TMEM132B: variants seen among roughly 807,000 people sequenced by gnomAD.
TMEM132B encodes the protein transmembrane protein 132B.
TMEM132B carries 18 observed loss-of-function variants against 90.8 expected under a neutral mutation model. That is an observed-to-expected ratio of 0.20 (90% CI 0.14 to 0.29). TMEM132B has a LOEUF of 0.29. Ranked by LOEUF, TMEM132B falls within the 10% of genes least tolerant of loss-of-function variation. The pLI is 1.00. For missense variants in TMEM132B, 1,096 were observed against 1,326.8 expected (o/e 0.83, Z 2.70); for synonymous variants, 504 against 523.3 (o/e 0.96, Z 0.50).
At chr12:125,601,017 G>A (rs1412830011) in intron 5 of TMEM132B, among the ~76,000 whole-genome samples, 1 of 152,100 alleles carries the variant, frequency 6.6e-6, no homozygotes, top group Admixed American at 6.5e-5. Flanking sequence ...CAATAATAGT[G>A]GGAGACTTTA....
intron 1 of TMEM132B, among the ~76,000 whole-genome samples, chr12:125,345,433 C>T (rs992076870): frequency 6.6e-6 from 1 of 152,172 alleles, no homozygotes; most frequent in Non-Finnish European, 1.5e-5. Context: ...AGGTCCATGT[C>T]CAGGAATGTT....
At chr12:125,222,829 A>T (rs1873590799) in intron 1 of TMEM132B, among the ~76,000 whole-genome samples, 1 of 152,190 alleles carries the variant, frequency 6.6e-6, no homozygotes, top group African/African-American at 2.4e-5. Context: ...GACATTGACA[A>T]ATGTCCCTGG....
chr12:125,468,003 T>G (rs1881613532), intron 3 of TMEM132B, among the ~76,000 whole-genome samples: 1 of 152,210 alleles, frequency 6.6e-6, no homozygotes, highest in South Asian at 2.1e-4. Flanking sequence ...GTTTATCCAT[T>G]CTTTTGTTGA....
intron 3 of TMEM132B, among the ~76,000 whole-genome samples, chr12:125,473,487 T>C (rs1206913505): frequency 6.6e-6 from 1 of 152,266 alleles, no homozygotes; most frequent in African/African-American, 2.4e-5. Flanking sequence ...GCTATCAAAG[T>C]GTGTGGCTTA....
chr12:125,508,334 C>A (rs945346743), intron 3 of TMEM132B, among the ~76,000 whole-genome samples: 20 of 152,208 alleles, frequency 1.3e-4, no homozygotes, highest in African/African-American at 3.4e-4. Context: ...ACGAACAAAG[C>A]CCTGGTCATC....
At position 125,406,796 on chromosome 12, in the gene TMEM132B, T is replaced by C. The variant is rs1325469706; in HGVS notation, c.960-8735T>C. 6.6e-6 allele frequency among the ~76,000 whole-genome samples: 1 copy of C among 152,130 alleles called. No individual in the cohort carries two copies. The highest frequency in any genetic ancestry group is 1.5e-5 in the Non-Finnish European group (1 of 68,022). The stretch of plus-strand genomic sequence containing the variant: ...AGGGTCCCCAAGACCACCCTCAGGT[T>C]CAGTAATTTTCTAGAAGGACTCAAA... On this transcript the variant is annotated intron_variant, in intron 2 of 8. Coordinates refer to ENST00000682704, the MANE Select transcript of TMEM132B (RefSeq NM_001366854.1). This position sits in a 1 kb window ranked among gnomAD's most constrained non-coding sequence, Gnocchi z 8.3.
intron 1 of TMEM132B, among the ~76,000 whole-genome samples, chr12:125,319,145 T>C (rs915148475): frequency 9.2e-5 from 14 of 152,314 alleles, no homozygotes; most frequent in African/African-American, 2.6e-4. Flanking sequence ...GTTTCCTCAA[T>C]TGTAAAATGG....
rs1886705416 is a variant in TMEM132B at position 125,644,275 on chromosome 12, A to G, written c.1637A>G (p.Asn546Ser). Reference protein sequence around the residue: ...IKGWRIPVAANRRPTRESDDE... With the variant: ...IKGWRIPVAASRRPTRESDDE... ...GGCTGGAGGATCCCGGTTGCTGCCA[A>G]CAGAAGGTGAGGAATCAAAGAGAAG... is the stretch of plus-strand genomic sequence containing the variant. The change falls in exon 6 of 9, where the codon AAC (asparagine) becomes AGC (serine). Residue 546 changes from asparagine (N) to serine (S), a missense_variant. Coordinates refer to ENST00000682704, the MANE Select transcript of TMEM132B (RefSeq NM_001366854.1). 1 of 1,613,994 alleles carries G rather than the reference A, an allele frequency of 6.2e-7. No individual in the cohort carries two copies. Among genetic ancestry groups the G allele is most frequent in the African/African-American group, 1.3e-5 (1 of 74,926 alleles).
At chr12:125,416,954 G>T (rs1191787981) in intron 3 of TMEM132B, among the ~76,000 whole-genome samples, 2 of 152,168 alleles carry the variant, frequency 1.3e-5, no homozygotes, top group Non-Finnish European at 2.9e-5. Context: ...GCTTTCAGTT[G>T]CAAGTAATAG....
chr12:125,312,185 T>G (rs1045312027), intron 1 of TMEM132B, among the ~76,000 whole-genome samples: 2 of 152,218 alleles, frequency 1.3e-5, no homozygotes, highest in Non-Finnish European at 2.9e-5. Context: ...ATATGCTCCA[T>G]TGTTAGTATC....
In TMEM132B at chr12:125,349,826, A is replaced by G. The variant is rs776495128; in HGVS notation, c.442A>G (p.Thr148Ala). 2.5e-6 allele frequency: 4 copies of G among 1,614,080 alleles called. No homozygotes were observed. The African/African-American group carries it at 5.3e-5, about 22-fold the overall frequency. ...CAAAGTGCAGACCTTGTTTTATGTCACTGGCATGGGCTGGGATGACAGTGA... is the reference window on the plus strand; with the variant it reads ...CAAAGTGCAGACCTTGTTTTATGTCGCTGGCATGGGCTGGGATGACAGTGA... ...RPKVQTLFYV[T>A]GMGWDDSDLT... is the part of the protein sequence containing the mutation. Residue 148 changes from threonine (T) to alanine (A), a missense_variant, in exon 2 of 9, where the codon ACT becomes GCT. By Grantham distance (58) the Thr-to-Ala change is moderately conservative. Transcript: ENST00000682704. This position sits in a 1 kb window ranked among gnomAD's most constrained non-coding sequence, Gnocchi z 4.1.
intron 5 of TMEM132B, among the ~76,000 whole-genome samples, chr12:125,609,537 C>G (rs1006334365): frequency 6.6e-6 from 1 of 151,640 alleles, no homozygotes; most frequent in Non-Finnish European, 1.5e-5. Context: ...TCTTTTGGGC[C>G]GGGCGTGGTA....
intron 1 of TMEM132B, among the ~76,000 whole-genome samples, chr12:125,243,720 C>T (rs1263165719): frequency 6.6e-6 from 1 of 152,182 alleles, no homozygotes; most frequent in African/African-American, 2.4e-5. Flanking sequence ...ATCCCTCTTC[C>T]GTCATAGTCC....
rs939854403 is a variant in TMEM132B, at chr12:125,660,852, T to C, written c.*6142T>C. 2 of 152,238 alleles carry C rather than the reference T, an allele frequency of 1.3e-5. No individual in the cohort carries two copies. Among genetic ancestry groups the C allele is most frequent in the Non-Finnish European group, 2.9e-5 (2 of 68,044 alleles). 9.4% of individuals were successfully genotyped at this position (152,238 alleles called of 1,614,324 possible). ...GACAAGAGTCTCACGGGAGTCTCTTTAGATGCTGCAGGAACTGAGAGGATA... is the reference window on the plus strand; with the variant it reads ...GACAAGAGTCTCACGGGAGTCTCTTCAGATGCTGCAGGAACTGAGAGGATA... On this transcript the variant is annotated 3_prime_UTR_variant, in exon 9 of 9. Coordinates refer to ENST00000682704, the MANE Select transcript of TMEM132B (RefSeq NM_001366854.1).
chr12:125,415,669 G>A lies in TMEM132B; in HGVS notation c.1098G>A (p.Thr366=), dbSNP rs769334297. 1.3e-5 allele frequency: 21 copies of A among 1,613,926 alleles called. No individual in the cohort carries two copies. Among genetic ancestry groups the A allele is most frequent in the South Asian group, 6.6e-5 (6 of 91,062 alleles). The change falls in exon 3 of 9, where the codon ACG becomes ACA. Residue 366 remains threonine (T), a synonymous_variant. Coordinates refer to ENST00000682704, the MANE Select transcript of TMEM132B (RefSeq NM_001366854.1). This position sits in a 1 kb window ranked among gnomAD's most constrained non-coding sequence, Gnocchi z 5.3. ...TLTCMGHRPD[T]QSRVNGSFYE... ...CCTGCATGGGCCATCGCCCGGACAC[G>A]CAGAGCAGGTAAGCATGGAGATCCC...
chr12:125,603,749 A>T (rs1885622919), intron 5 of TMEM132B, among the ~76,000 whole-genome samples: 1 of 152,208 alleles, frequency 6.6e-6, no homozygotes, highest in African/African-American at 2.4e-5. Flanking sequence ...AATCAAATTT[A>T]CAAGAAAAAA....
intron 5 of TMEM132B, among the ~76,000 whole-genome samples, chr12:125,637,539 G>T (rs1207664677): frequency 6.6e-6 from 1 of 152,194 alleles, no homozygotes; most frequent in African/African-American, 2.4e-5. Context: ...ATGAACATTG[G>T]TTCCATCCGG....
In TMEM132B at chr12:125,489,649, TGATTCAC is replaced by T. The variant is rs569233999; in HGVS notation, c.1107-29789_1107-29783del. On this transcript the variant is annotated intron_variant, in intron 3 of 8. Transcript: ENST00000682704. ...CTGATCTTGAACTCCTAGGCTCAAG[TGATTCAC>T]CCACCTTAGCCTCCCAAAGTACTGG... 2.0e-5 allele frequency among the ~76,000 whole-genome samples: 3 copies of T among 152,256 alleles called. No individual in the cohort carries two copies. The South Asian group carries it at 6.2e-4, about 32-fold the overall frequency.
intron 3 of TMEM132B, among the ~76,000 whole-genome samples, chr12:125,491,989 G>A (rs543478148): frequency 6.6e-6 from 1 of 152,330 alleles, no homozygotes; most frequent in African/African-American, 2.4e-5. Context: ...TGCAAAGCCA[G>A]CTACTGAGAT....
Sources: allele counts gnomAD v4.1 joint callset (sites outside exome capture counted in the v4.1 genomes callset), GRCh38; gene constraint gnomAD v4.1.1; non-coding constraint Gnocchi (gnomAD v3.1); transcripts MANE v1.5; gene names NCBI Gene and HGNC (gene_info 2026-07-23, HGNC 2026-07-21).